MBNL1: variants seen among roughly 807,000 people sequenced by gnomAD.
MBNL1 encodes muscleblind-like protein 1.
A neutral mutation model predicts 42.2 loss-of-function variants in MBNL1; 8 were observed. That is an observed-to-expected ratio of 0.19 (90% confidence interval 0.11 to 0.34). The LOEUF is 0.34. MBNL1 is among the 10% of genes least tolerant of loss of function. MBNL1 has a pLI of 1.00. For missense variants in MBNL1, 309 were observed against 495.3 expected (o/e 0.62, Z 3.57); for synonymous variants, 169 against 173.9 (o/e 0.97, Z 0.22).
At position 152,414,997 on chromosome 3, in the gene MBNL1, G is replaced by A. The variant is rs199543138; in HGVS notation, c.231G>A (p.Thr77=). ...TTCATCCACCCCCACATTTAAAAAC[G>A]CAGTTGGAGATAAATGGACGCAATA... The part of the protein sequence containing the change: ...KYLHPPPHLK[T]QLEINGRNNL... Residue 77 remains threonine, a synonymous_variant, in exon 3 of 10, where the codon ACG becomes ACA. Coordinates refer to ENST00000324210, the MANE Select transcript of MBNL1 (RefSeq NM_021038.5). The A allele has an allele frequency of 1.2e-5, 20 of 1,608,464 alleles. No individual in the cohort carries two copies. Among genetic ancestry groups the A allele is most frequent in the African/African-American group, 6.7e-5 (5 of 74,540 alleles).
chr3:152,320,260 T>C (rs532146355), intron 2 of MBNL1, among the ~76,000 whole-genome samples: 1 of 152,182 alleles, frequency 6.6e-6, no homozygotes, highest in Non-Finnish European at 1.5e-5. Flanking sequence ...CAGCAACATG[T>C]AATTACTCAT....
chr3:152,281,285 A>G (rs2048333752), intron 1 of MBNL1, among the ~76,000 whole-genome samples: 1 of 151,932 alleles, frequency 6.6e-6, no homozygotes, highest in Non-Finnish European at 1.5e-5. Flanking sequence ...TCAACCCAGG[A>G]GTTTTGCTGT....
At chr3:152,247,932 G>A (rs1223561633) in intron 2 of MBNL1, among the ~76,000 whole-genome samples, 1 of 151,804 alleles carries the variant, frequency 6.6e-6, no homozygotes, top group Non-Finnish European at 1.5e-5. Flanking sequence ...GTTGCTCCAT[G>A]AACCAGTATA....
At chr3:152,298,091 G>GT (rs1364854741) in intron 1 of MBNL1, among the ~76,000 whole-genome samples, 1 of 152,042 alleles carries the variant, frequency 6.6e-6, no homozygotes, top group African/African-American at 2.4e-5. Context: ...AGATGTTCGT[G>GT]TTTTTTAATG....
At position 152,367,943 on chromosome 3, in the gene MBNL1, T is replaced by C. The variant is rs530861403; in HGVS notation, c.175-46998T>C. Among the ~76,000 whole-genome samples, 33 of 152,216 alleles carry C rather than the reference T, an allele frequency of 2.2e-4. No individual in the cohort carries two copies. The East Asian group carries it at 5.4e-3, about 25-fold the overall frequency. ...ATCAGCCCTTTGTCAAATGGATAGA[T>C]TGCAAAAACTTTCTCCCATTCTGTA... is the stretch of plus-strand genomic sequence containing the variant. On this transcript the variant is annotated intron_variant, in intron 2 of 9. Coordinates refer to ENST00000324210, the MANE Select transcript of MBNL1 (RefSeq NM_021038.5).
intron 2 of MBNL1, among the ~76,000 whole-genome samples, chr3:152,333,646 T>C (rs2087007866): frequency 6.6e-6 from 1 of 152,218 alleles, no homozygotes; most frequent in African/African-American, 2.4e-5. Context: ...CCCTATTAAA[T>C]GGCAATGTGT....
At chr3:152,429,609 G>A (rs2098979569) in intron 3 of MBNL1, among the ~76,000 whole-genome samples, 1 of 152,106 alleles carries the variant, frequency 6.6e-6, no homozygotes, top group Non-Finnish European at 1.5e-5. Context: ...TTAGCTTTTG[G>A]AATAGAAAAC....
chr3:152,460,206 A>T (rs1342229834), intron 9 of MBNL1, among the ~76,000 whole-genome samples: 3 of 151,518 alleles, frequency 2.0e-5, no homozygotes, highest in African/African-American at 7.3e-5. Flanking sequence ...ATGAGCTGTG[A>T]TTGCGCCACT....
At chr3:152,415,648 TATC>T (rs1202736100) in intron 3 of MBNL1, among the ~76,000 whole-genome samples, 1 of 152,202 alleles carries the variant, frequency 6.6e-6, no homozygotes, top group African/African-American at 2.4e-5. Flanking sequence ...AGTAAATCAA[TATC>T]ATAGACTTGG....
intron 6 of MBNL1, among the ~76,000 whole-genome samples, chr3:152,452,784 C>G (rs1212999921): frequency 6.6e-6 from 1 of 152,172 alleles, no homozygotes; most frequent in African/African-American, 2.4e-5. Context: ...GTCTCCCTCT[C>G]TAGCATATCT....
chr3:152,346,448 A>G (rs1218597290), intron 2 of MBNL1, among the ~76,000 whole-genome samples: 1 of 152,044 alleles, frequency 6.6e-6, no homozygotes, highest in Admixed American at 6.6e-5. Flanking sequence ...TGATTTTTTC[A>G]TATTGTCCCA....
At chr3:152,309,810 C>T (rs1394926599) in intron 2 of MBNL1, among the ~76,000 whole-genome samples, 1 of 152,176 alleles carries the variant, frequency 6.6e-6, no homozygotes, top group Admixed American at 6.5e-5. Context: ...TAAGTAGTAA[C>T]ATCTCCCAAT....
chr3:152,251,671 T>C (rs966668439), intron 2 of MBNL1, among the ~76,000 whole-genome samples: 1 of 152,088 alleles, frequency 6.6e-6, no homozygotes, highest in Non-Finnish European at 1.5e-5. Context: ...ATTACGGTTA[T>C]ACACTTTCTG....
intron 2 of MBNL1, among the ~76,000 whole-genome samples, chr3:152,353,813 G>C (rs1205483636): frequency 6.6e-6 from 1 of 151,788 alleles, no homozygotes. Context: ...ACCCACTGTA[G>C]CCTTCCCAGA....
intron 1 of MBNL1, among the ~76,000 whole-genome samples, chr3:152,287,214 CAAAAA>C (rs879707995): frequency 1.2e-5 from 1 of 84,288 alleles, no homozygotes; most frequent in African/African-American, 4.6e-5. Flanking sequence ...GACTCCGTCT[CAAAAA>C]AAAAAAAAAA....
intron 2 of MBNL1, chr3:152,396,369 G>A (rs190107262): frequency 1.6e-4 from 26 of 162,174 alleles, no homozygotes; most frequent in African/African-American, 6.2e-4. Context: ...CTTCCACGAG[G>A]CTGATCCCTG....
rs866066114 is a variant in MBNL1, at chr3:152,456,113, G to A, written c.998-154G>A. Reference sequence around the variant, plus strand: ...TCCTTGGAATGTTGTCCTGCTTTGCGCTGTGATTGCATGTCACTCGCTGGT... The same window carrying A: ...TCCTTGGAATGTTGTCCTGCTTTGCACTGTGATTGCATGTCACTCGCTGGT... On this transcript the variant is annotated intron_variant, in intron 7 of 9. Transcript: ENST00000324210. Among the ~76,000 whole-genome samples, 11 of 151,156 alleles carry A rather than the reference G, an allele frequency of 7.3e-5. No individual in the cohort carries two copies. The South Asian group carries it at 1.5e-3, about 20-fold the overall frequency.
rs188764222 is a variant in MBNL1, at chr3:152,364,940, A to T, written c.175-50001A>T. Among the ~76,000 whole-genome samples, 18 of 152,052 alleles carry T rather than the reference A, an allele frequency of 1.2e-4. No individual in the cohort carries two copies. In the East Asian group the frequency reaches 3.5e-3, roughly 29 times the overall value. ...GTTGGTTCGATGTACTAGCAGCTGC[A>T]TGAAAATGGACTGCTTCATGTGTGT... is the stretch of plus-strand genomic sequence containing the variant. On this transcript the variant is annotated intron_variant, in intron 2 of 9. Coordinates refer to ENST00000324210, the MANE Select transcript of MBNL1 (RefSeq NM_021038.5).
chr3:152,410,600 T>A (rs1348577525), intron 2 of MBNL1, among the ~76,000 whole-genome samples: 1 of 152,278 alleles, frequency 6.6e-6, no homozygotes, highest in Non-Finnish European at 1.5e-5. Context: ...CTAAGGGATC[T>A]ATTAGGCTGG....
Sources: gnomAD v4.1 joint callset for allele counts (sites outside exome capture counted in the v4.1 genomes callset) on GRCh38, gnomAD v4.1.1 for gene constraint, MANE v1.5 for transcripts, NCBI Gene and HGNC (gene_info 2026-07-23, HGNC 2026-07-21) for gene names.